PLD1: variants seen among roughly 807,000 people sequenced by gnomAD.
PLD1 encodes phospholipase D1, also known as choline phosphatase 1.
A neutral mutation model predicts 137.1 loss-of-function variants in PLD1; 112 were observed. The observed-to-expected ratio is 0.82, with a 90% confidence interval of 0.70 to 0.96. The LOEUF is 0.96. Among genes scored for constraint, PLD1 ranks in the 40% least tolerant of loss-of-function variants. The probability of loss-of-function intolerance (pLI) is 0.00; values close to 1 mark genes in which losing one functional copy is unlikely to be tolerated. For synonymous variants in PLD1, 431 were observed against 454.7 expected, an observed-to-expected ratio of 0.95 and a Z score of 0.66; for missense variants, 1,321 against 1,342.0, an observed-to-expected ratio of 0.98 and a Z score of 0.24.
At chr3:171,642,576 A>G (rs1159224276) in intron 23 of PLD1, among the ~76,000 whole-genome samples, 4 of 151,482 alleles carry the variant, frequency 2.6e-5, no homozygotes, top group Non-Finnish European at 4.4e-5. Context: ...GATGATTGTT[A>G]TTATTAAAAC....
At chr3:171,638,184 CAAAAAAA>C (rs1040418705) in intron 23 of PLD1, among the ~76,000 whole-genome samples, 1 of 66,816 alleles carries the variant, frequency 1.5e-5, no homozygotes, top group Non-Finnish European at 3.0e-5. Context: ...GACTCCGTCT[CAAAAAAA>C]AAAAAAAAAA....
chr3:171,601,158 G>A lies in PLD1; in HGVS notation c.*1920C>T, dbSNP rs1731807504. 6.6e-6 allele frequency: 1 copy of A among 152,156 alleles called. No homozygotes were observed. Among genetic ancestry groups the A allele is most frequent in the Non-Finnish European group, 1.5e-5 (1 of 68,030 alleles). 9.4% of individuals were successfully genotyped at this position (152,156 alleles called of 1,614,324 possible). ...GTCCCAGCTCTACCATCTACACATT[G>A]AGTGGATTTAAGTGAGTTCTCATCT... On this transcript the variant is annotated 3_prime_UTR_variant, in exon 27 of 27. Coordinates refer to ENST00000351298, the MANE Select transcript of PLD1 (RefSeq NM_002662.5).
At chr3:171,686,086 T>A (rs1714527355) in intron 16 of PLD1, among the ~76,000 whole-genome samples, 1 of 141,890 alleles carries the variant, frequency 7.0e-6, no homozygotes, top group South Asian at 2.2e-4. Context: ...ACGGCCCTAC[T>A]GCACTGCAGC....
intron 1 of PLD1, among the ~76,000 whole-genome samples, chr3:171,806,496 C>A (rs1374606253): frequency 1.3e-5 from 2 of 152,238 alleles, no homozygotes; most frequent in African/African-American, 4.8e-5. Flanking sequence ...CAACTTTTAG[C>A]CACACCCTAG....
chr3:171,602,691 T>C lies in PLD1; in HGVS notation c.*387A>G, dbSNP rs766166991. 10 of 220,394 alleles carry C rather than the reference T, an allele frequency of 4.5e-5. No individual in the cohort carries two copies. The highest frequency in any genetic ancestry group is 1.0e-4 in the Admixed American group (2 of 19,302). 13.7% of individuals were successfully genotyped at this position (220,394 alleles called of 1,614,324 possible). A position where few individuals can be genotyped will look rare whatever the true frequency, so the allele number is the denominator to read the frequency against. On this transcript the variant is annotated 3_prime_UTR_variant, in exon 27 of 27. Coordinates refer to ENST00000351298, the MANE Select transcript of PLD1 (RefSeq NM_002662.5). The stretch of plus-strand genomic sequence containing the variant: ...AGATGAGGGCAGGTCCAGCTAGACA[T>C]TGGCTGCATAAATGAAGATCAGAGA...
intron 26 of PLD1, 59 bp from the exon 27 acceptor site, chr3:171,603,361 T>G: frequency 8.8e-7 from 1 of 1,133,912 alleles, no homozygotes; most frequent in Non-Finnish European, 1.3e-6. Context: ...ACATGGCCTT[T>G]ATGGAAAATA....
At chr3:171,721,051 A>C (rs2108231537) in intron 8 of PLD1, among the ~76,000 whole-genome samples, 1 of 152,324 alleles carries the variant, frequency 6.6e-6, no homozygotes. Flanking sequence ...TTGTCGGCTT[A>C]GTGCCTGCAT....
rs908482128 is a variant in PLD1, at chr3:171,688,867, G to A, written c.1348C>T (p.His450Tyr). 12 of 1,613,186 alleles carry A rather than the reference G, an allele frequency of 7.4e-6. No individual in the cohort carries two copies. Among genetic ancestry groups the A allele is most frequent in the Non-Finnish European group, 1.0e-5 (12 of 1,179,326 alleles). Residue 450 changes from histidine to tyrosine, a missense_variant, in exon 14 of 27, where the codon CAC (histidine) becomes TAC (tyrosine). His to Tyr is a moderately conservative substitution (Grantham distance 83). Transcript: ENST00000351298. ...ACGGTGGATGACACATGATCCGGGT[G>A]TCTCATCACCTTGAGAGGGAATAAT... ...RLHPNIKVMR[H>Y]PDHVSSTVYL...
intron 21 of PLD1, among the ~76,000 whole-genome samples, chr3:171,646,966 G>A (rs538323851): frequency 3.9e-5 from 6 of 152,270 alleles, no homozygotes; most frequent in Non-Finnish European, 8.8e-5. Context: ...TCACCTTATT[G>A]GCTATTTCCT....
chr3:171,771,411 C>G (rs988122414), intron 1 of PLD1: 1 of 152,204 alleles, frequency 6.6e-6, no homozygotes, highest in African/African-American at 2.4e-5. Context: ...GCACTTTAGC[C>G]TATAAGCTTT....
At chr3:171,750,934 GAAAT>G (rs975215431) in intron 1 of PLD1, among the ~76,000 whole-genome samples, 2 of 151,892 alleles carry the variant, frequency 1.3e-5, no homozygotes, top group Non-Finnish European at 2.9e-5. Context: ...GAACCTGAAA[GAAAT>G]AAAATTTTAC....
chr3:171,797,980 G>T (rs1015232272), intron 1 of PLD1, among the ~76,000 whole-genome samples: 2 of 152,088 alleles, frequency 1.3e-5, no homozygotes, highest in African/African-American at 4.8e-5. Context: ...TGACTCATCT[G>T]TGAAACAATA....
Position 171,674,554 on chromosome 3 carries a change from T to C in PLD1, c.2175A>G (p.Thr725=), listed in dbSNP as rs770458677. 6.8e-6 allele frequency: 11 copies of C among 1,611,870 alleles called. No homozygotes were observed. The South Asian group carries it at 1.2e-4, about 18-fold the overall frequency. ...CTTGATATCTCAACTCATGGGCTGT[T>C]GTTTGAGACTTTGGAAGCAGAAAAG... ...SYPFLLPKSQ[T]TAHELRYQVP... is the part of the protein sequence containing the mutation. Residue 725 remains threonine, a synonymous_variant, in exon 19 of 27, where the codon ACA becomes ACG. Coordinates refer to ENST00000351298, the MANE Select transcript of PLD1 (RefSeq NM_002662.5).
At chr3:171,694,948 T>A (rs533059430) in intron 12 of PLD1, among the ~76,000 whole-genome samples, 1 of 152,282 alleles carries the variant, frequency 6.6e-6, no homozygotes, top group East Asian at 1.9e-4. Flanking sequence ...AAATGACCAA[T>A]GAGGAAGCAA....
chr3:171,730,720 C>A (rs1718876871), intron 6 of PLD1, among the ~76,000 whole-genome samples: 2 of 149,070 alleles, frequency 1.3e-5, no homozygotes, highest in African/African-American at 2.5e-5. Flanking sequence ...CTCGCTGCAA[C>A]CTCCGCCTCC....
chr3:171,632,111 C>T (rs181581678), intron 23 of PLD1, among the ~76,000 whole-genome samples: 65 of 152,130 alleles, frequency 4.3e-4, no homozygotes, highest in African/African-American at 9.6e-4. Flanking sequence ...GCTATGTTAC[C>T]GTAAGAACAC....
intron 24 of PLD1, among the ~76,000 whole-genome samples, chr3:171,619,320 T>C (rs1733393254): frequency 6.6e-6 from 1 of 152,184 alleles, no homozygotes; most frequent in Non-Finnish European, 1.5e-5. Context: ...TATAAAAGAA[T>C]GAAGCTGAAC....
intron 8 of PLD1, among the ~76,000 whole-genome samples, chr3:171,720,418 T>C (rs1471421445): frequency 6.6e-6 from 1 of 151,364 alleles, no homozygotes; most frequent in Non-Finnish European, 1.5e-5. Context: ...CCGTCTCTAC[T>C]AAAAATACAA....
intron 23 of PLD1, among the ~76,000 whole-genome samples, chr3:171,632,095 G>T (rs1206690070): frequency 1.3e-5 from 2 of 152,166 alleles, no homozygotes; most frequent in Admixed American, 6.5e-5. Flanking sequence ...CAGTAAGGTT[G>T]TTCCTGCTAT....
Sources: gnomAD v4.1 joint callset for allele counts (sites outside exome capture counted in the v4.1 genomes callset) on GRCh38, gnomAD v4.1.1 for gene constraint, MANE v1.5 for transcripts, NCBI Gene and HGNC (gene_info 2026-07-23, HGNC 2026-07-21) for gene names.